PKIB: variants seen among roughly 807,000 people sequenced by gnomAD.
The protein encoded by PKIB is PKI-beta.
A neutral mutation model predicts 4.5 loss-of-function variants in PKIB; 2 were observed. That is an observed-to-expected ratio of 0.44 (90% CI 0.18 to 1.39). The LOEUF is 1.39. PKIB is among the 40% of genes most tolerant of loss of function. PKIB has a pLI of 0.27. For synonymous variants in PKIB, 38 were observed against 36.0 expected (o/e 1.06, Z -0.20); for missense variants, 94 against 92.6 (o/e 1.02, Z -0.06).
chr6:122,721,524 C>A (rs1203032609), intron 4 of PKIB, among the ~76,000 whole-genome samples: 1 of 152,006 alleles, frequency 6.6e-6, no homozygotes, highest in Non-Finnish European at 1.5e-5. Context: ...TTTTTTCTCT[C>A]ATTTATTTGG....
At chr6:122,621,253 G>T (rs1047481736) in intron 1 of PKIB, among the ~76,000 whole-genome samples, 1 of 152,116 alleles carries the variant, frequency 6.6e-6, no homozygotes, top group African/African-American at 2.4e-5. Flanking sequence ...ACAGAGAGAT[G>T]CCCAATCCTT....
At chr6:122,480,069 G>C (rs537846319) in intron 2 of PKIB, 1 of 150,620 alleles carries the variant, frequency 6.6e-6, no homozygotes, top group South Asian at 2.1e-4. Flanking sequence ...TTGAGAGGGA[G>C]TCTCGCTCTG....
intron 2 of PKIB, among the ~76,000 whole-genome samples, chr6:122,527,047 T>C (rs1252908612): frequency 6.6e-6 from 1 of 152,204 alleles, no homozygotes; most frequent in East Asian, 1.9e-4. Flanking sequence ...TTTTATGTTA[T>C]GGAGTTAATT....
chr6:122,678,177 C>A (rs1209756325), intron 3 of PKIB, among the ~76,000 whole-genome samples: 1 of 152,150 alleles, frequency 6.6e-6, no homozygotes, highest in African/African-American at 2.4e-5. Context: ...GGATTACAGG[C>A]ATGAGCAAAA....
Position 122,612,548 on chromosome 6 carries a change from A to G in PKIB, c.-161+2013A>G, listed in dbSNP as rs533688347. 1.8e-4 allele frequency among the ~76,000 whole-genome samples: 27 copies of G among 152,146 alleles called. No homozygotes were observed. In the East Asian group the frequency reaches 3.7e-3, roughly 21 times the overall value. On this transcript the variant is annotated intron_variant, in intron 1 of 4. Transcript: ENST00000368452. ...TTTTATATAAATGGAATGATATACTATATGGTCTTTTGCTTATGGCTTCTC... is the reference window on the plus strand; with the variant it reads ...TTTTATATAAATGGAATGATATACTGTATGGTCTTTTGCTTATGGCTTCTC...
intron 3 of PKIB, among the ~76,000 whole-genome samples, chr6:122,677,806 T>G (rs1301259554): frequency 6.6e-6 from 1 of 152,230 alleles, no homozygotes; most frequent in Non-Finnish European, 1.5e-5. Context: ...TCTGCCATTT[T>G]AGGAACCTAT....
chr6:122,503,738 T>C (rs999270548), intron 2 of PKIB, among the ~76,000 whole-genome samples: 3 of 152,230 alleles, frequency 2.0e-5, no homozygotes, highest in African/African-American at 7.2e-5. Flanking sequence ...ACCAGAGCAA[T>C]GGAGGATCCT....
At chr6:122,648,836 G>A (rs1205646642) in intron 2 of PKIB, among the ~76,000 whole-genome samples, 1 of 152,134 alleles carries the variant, frequency 6.6e-6, no homozygotes, top group African/African-American at 2.4e-5. Context: ...CTCAGTGTTG[G>A]TCTCTGCTGC....
At chr6:122,599,161 G>A (rs375283268) in intron 3 of PKIB, among the ~76,000 whole-genome samples, 6 of 152,262 alleles carry the variant, frequency 3.9e-5, no homozygotes, top group East Asian at 3.9e-4. Context: ...GGAGGCCATC[G>A]CTGTTGCCTC....
chr6:122,639,853 G>T (rs1776058971), intron 2 of PKIB, among the ~76,000 whole-genome samples: 1 of 152,166 alleles, frequency 6.6e-6, no homozygotes, highest in Non-Finnish European at 1.5e-5. Context: ...TGACGGGTTG[G>T]TTTTGGAGGT....
At chr6:122,619,663 A>G (rs1241168782) in intron 1 of PKIB, among the ~76,000 whole-genome samples, 5 of 152,168 alleles carry the variant, frequency 3.3e-5, no homozygotes, top group African/African-American at 1.2e-4. Flanking sequence ...CCCTTGTCAT[A>G]GCATCCAGCT....
At chr6:122,616,174 G>A (rs2114774606) in intron 1 of PKIB, among the ~76,000 whole-genome samples, 1 of 152,274 alleles carries the variant, frequency 6.6e-6, no homozygotes, top group Admixed American at 6.5e-5. Context: ...CCTGGGAAAT[G>A]AGTTCCAGTC....
At chr6:122,517,128 A>G (rs1384455608) in intron 2 of PKIB, among the ~76,000 whole-genome samples, 1 of 152,138 alleles carries the variant, frequency 6.6e-6, no homozygotes, top group Non-Finnish European at 1.5e-5. Context: ...TTCACTTTTT[A>G]TTGAAAATAT....
intron 3 of PKIB, among the ~76,000 whole-genome samples, chr6:122,691,039 A>C (rs79751816): frequency 0.024 from 3,616 of 151,340 alleles, 140 homozygotes; most frequent in African/African-American, 0.083. Flanking sequence ...TTTTCCACTG[A>C]AAACCCTGCT....
At chr6:122,602,143 C>A (rs540110715) in intron 3 of PKIB, among the ~76,000 whole-genome samples, 3 of 152,182 alleles carry the variant, frequency 2.0e-5, no homozygotes, top group Admixed American at 1.3e-4. Flanking sequence ...TCAACTCAAA[C>A]CACTGGAAAT....
At chr6:122,687,396 C>T (rs1778136526) in intron 3 of PKIB, among the ~76,000 whole-genome samples, 1 of 152,020 alleles carries the variant, frequency 6.6e-6, no homozygotes, top group South Asian at 2.1e-4. Flanking sequence ...GAAGTCAGGT[C>T]ATGTGATTCC....
At chr6:122,709,732 C>G (rs1582834825) in intron 3 of PKIB, among the ~76,000 whole-genome samples, 3 of 151,778 alleles carry the variant, frequency 2.0e-5, no homozygotes, top group Non-Finnish European at 4.4e-5. Context: ...CTGCATTTTC[C>G]CTTTGAAAGA....
intron 1 of PKIB, among the ~76,000 whole-genome samples, chr6:122,615,252 A>G (rs1190209110): frequency 6.6e-6 from 1 of 152,160 alleles, no homozygotes; most frequent in Admixed American, 6.5e-5. Context: ...GTGCATATGT[A>G]TATACTGTTG....
At chr6:122,661,346 C>T (rs11154103) in intron 2 of PKIB, among the ~76,000 whole-genome samples, 38,453 of 151,972 alleles carry the variant, frequency 0.25, 5,378 homozygotes, top group East Asian at 0.37. Flanking sequence ...AGTTGTGACT[C>T]CCTATTTCCC....
Sources: gnomAD v4.1 joint callset for allele counts (sites outside exome capture counted in the v4.1 genomes callset) on GRCh38, gnomAD v4.1.1 for gene constraint, MANE v1.5 for transcripts, NCBI Gene and HGNC (gene_info 2026-07-23, HGNC 2026-07-21) for gene names.